CHD5: variants seen among roughly 807,000 people sequenced by gnomAD.
CHD5 encodes the protein ATP-dependent chromatin remodeler CHD5.
CHD5 carries 69 observed loss-of-function variants against 230.3 expected under a neutral mutation model. The ratio of observed to expected loss-of-function variants is 0.30; its 90% confidence interval spans 0.25 to 0.37. The LOEUF (loss-of-function observed/expected upper bound fraction) is 0.37, where lower values mean the gene tolerates loss of function less well. Among genes scored for constraint, CHD5 ranks in the 10% least tolerant of loss-of-function variants. The pLI is 1.00. For synonymous variants in CHD5, 1,064 were observed against 1,065.9 expected (o/e 1.00, Z 0.03); for missense variants, 1,827 against 2,622.8 (o/e 0.70, Z 6.63).
chr1:6,130,395 G>A lies in CHD5; in HGVS notation c.3263-67C>T. 3.4e-6 allele frequency: 5 copies of A among 1,459,296 alleles called. No individual in the cohort carries two copies. In the South Asian group the frequency reaches 3.5e-5, roughly 10 times the overall value. The allele number at this position is 1,459,296 out of a possible 1,614,324, so 90.4% of individuals were successfully genotyped here. A position where few individuals can be genotyped will look rare whatever the true frequency, so the allele number is the denominator to read the frequency against. On this transcript the variant is annotated intron_variant, in intron 21 of 41. Transcript: ENST00000262450. The surrounding 1 kb of genome is among the most constrained non-coding windows in gnomAD (Gnocchi z 4.9). ...ACACCTTGGGTGGGCAGAAAGGATG[G>A]GGGAGAGAACAGAGAGAAGGAACTG... is the stretch of plus-strand genomic sequence containing the variant.
At chr1:6,175,501 A>AATGGTGGATGGGCAGATGGATGG (rs1215861402) in intron 1 of CHD5, among the ~76,000 whole-genome samples, 1 of 136,836 alleles carries the variant, frequency 7.3e-6, no homozygotes, top group African/African-American at 2.8e-5. Context: ...TGGAAGCATG[A>AATGGTGGATGGGCAGATGGATGG]ATGGTGGATG....
chr1:6,171,308 C>A (rs957213826), intron 1 of CHD5, among the ~76,000 whole-genome samples: 2 of 152,202 alleles, frequency 1.3e-5, no homozygotes, highest in African/African-American at 4.8e-5. Flanking sequence ...CATGGACAGA[C>A]CCCAGCTCCG....
At chr1:6,152,228 A>G (rs1667017904) in intron 6 of CHD5, among the ~76,000 whole-genome samples, 184 bp downstream of exon 6, 1 of 152,170 alleles carries the variant, frequency 6.6e-6, no homozygotes, top group Non-Finnish European at 1.5e-5. Context: ...ACTCCTCATC[A>G]CACAAATGGA....
intron 3 of CHD5, among the ~76,000 whole-genome samples, chr1:6,157,724 C>G (rs1170908296): frequency 6.6e-6 from 1 of 152,236 alleles, no homozygotes; most frequent in East Asian, 1.9e-4. Context: ...ATGGCCATTC[C>G]TGATGGCACA....
At chr1:6,152,339 G>A in intron 6 of CHD5, 73 bp downstream of exon 6, 1 of 1,536,220 alleles carries the variant, frequency 6.5e-7, no homozygotes, top group Non-Finnish European at 8.8e-7. Flanking sequence ...GCCCTCGCCT[G>A]GCCCTTGCGT....
In CHD5 at chr1:6,168,249, G is replaced by A. The variant is rs146996909; in HGVS notation, c.108C>T (p.Phe36=). Reference sequence around the variant, plus strand: ...CGGGCTCCACAGGGAAAAAGTCATCGAAGGCTTCAAGACCACCATCTTCTT... The same window carrying A: ...CGGGCTCCACAGGGAAAAAGTCATCAAAGGCTTCAAGACCACCATCTTCTT... ...SEEEDGGLEA[F]DDFFPVEPVS... is the part of the protein sequence containing the mutation. Residue 36 remains phenylalanine, a synonymous_variant, in exon 2 of 42, where the codon TTC becomes TTT. Coordinates refer to ENST00000262450, the MANE Select transcript of CHD5 (RefSeq NM_015557.3). 1.2e-4 allele frequency: 190 copies of A among 1,609,076 alleles called. 1 individual carries two copies. Among genetic ancestry groups the A allele is most frequent in the Middle Eastern group, 1.7e-4 (1 of 6,056 alleles).
chr1:6,110,609 G>A lies in CHD5; in HGVS notation c.5250-83C>T, dbSNP rs1666273168. On this transcript the variant is annotated intron_variant, in intron 36 of 41. Transcript: ENST00000262450. ...GGAGGCAGCTCAGGGAGGGGGAGGG[G>A]CCAGCCCGGGGGTCGGCATTCTGGC... The A allele has an allele frequency of 1.1e-5, 15 of 1,384,142 alleles. No individual in the cohort carries two copies. In the Admixed American group the frequency reaches 2.5e-4, roughly 23 times the overall value. The allele number at this position is 1,384,142 out of a possible 1,614,324, so 85.7% of individuals were successfully genotyped here.
rs957726400 is a variant in CHD5, at chr1:6,134,054, C to T, written c.3144+74G>A. ...GCCCTGAGGGGTGCCAGCAAGTTTG[C>T]GCCCCCAAGCATCAGGGCAGGATGC... On this transcript the variant is annotated intron_variant, in intron 20 of 41. Coordinates refer to ENST00000262450, the MANE Select transcript of CHD5 (RefSeq NM_015557.3). This position sits in a 1 kb window ranked among gnomAD's most constrained non-coding sequence, Gnocchi z 6.3. 3.0e-5 allele frequency: 45 copies of T among 1,480,448 alleles called. No homozygotes were observed. Among genetic ancestry groups the T allele is most frequent in the Non-Finnish European group, 3.8e-5 (41 of 1,084,468 alleles). 91.7% of individuals were successfully genotyped at this position (1,480,448 alleles called of 1,614,324 possible).
Position 6,130,151 on chromosome 1 carries a change from A to G in CHD5, c.3387+53T>C, listed in dbSNP as rs1462350737. 6.2e-7 allele frequency: 1 copy of G among 1,605,774 alleles called. No individual in the cohort carries two copies. Among genetic ancestry groups the G allele is most frequent in the South Asian group, 1.1e-5 (1 of 90,600 alleles). On this transcript the variant is annotated intron_variant, in intron 22 of 41. Transcript: ENST00000262450. The surrounding 1 kb of genome is among the most constrained non-coding windows in gnomAD (Gnocchi z 4.9). ...GGGCATGAAGGACAGAACCTGCCTG[A>G]GGCCCGGGATGAGAGGCCCCCTGGG... is the stretch of plus-strand genomic sequence containing the variant.
Position 6,105,727 on chromosome 1 carries a change from C to G in CHD5, c.*47-300G>C, listed in dbSNP as rs1666152804. Among the ~76,000 whole-genome samples, 1 of 152,194 alleles carries G rather than the reference C, an allele frequency of 6.6e-6. No homozygotes were observed. Among genetic ancestry groups the G allele is most frequent in the African/African-American group, 2.4e-5 (1 of 41,450 alleles). ...CACAGCGTAGTGGAGGCTGGTGGCC[C>G]CAGAGAAGACCAGAATGAACTGGCA... On this transcript the variant is annotated intron_variant, in intron 41 of 41. Coordinates refer to ENST00000262450, the MANE Select transcript of CHD5 (RefSeq NM_015557.3). This position sits in a 1 kb window ranked among gnomAD's most constrained non-coding sequence, Gnocchi z 4.8.
rs1437377798 is a variant in CHD5, at chr1:6,148,856, T to C, written c.1381A>G (p.Thr461Ala). The change falls in exon 9 of 42, where the codon ACT becomes GCT. Residue 461 changes from threonine to alanine, a missense_variant and splice_region_variant. Coordinates refer to ENST00000262450, the MANE Select transcript of CHD5 (RefSeq NM_015557.3). ...PNGEWLCPRC[T>A]CPPLKGKVQR... Reference sequence around the variant, plus strand: ...CGCGGGGCGGGCGGAACACTCACAGTACAGCGCGGGCAGAGCCATTCACCG... The same window carrying C: ...CGCGGGGCGGGCGGAACACTCACAGCACAGCGCGGGCAGAGCCATTCACCG... 3.2e-6 allele frequency: 5 copies of C among 1,551,624 alleles called. No individual in the cohort carries two copies. Among genetic ancestry groups the C allele is most frequent in the African/African-American group, 1.4e-5 (1 of 72,942 alleles).
intron 38 of CHD5, among the ~76,000 whole-genome samples, chr1:6,107,755 T>C (rs1666215157): frequency 1.1e-5 from 1 of 93,852 alleles, no homozygotes. Context: ...GATGGAGAGA[T>C]GGAGGGATGA....
At chr1:6,122,002 T>C (rs373998688) in intron 31 of CHD5, among the ~76,000 whole-genome samples, 1 of 152,200 alleles carries the variant, frequency 6.6e-6, no homozygotes, top group South Asian at 2.1e-4. Context: ...AAAGTGCTGG[T>C]CACTTACACA....
At position 6,135,235 on chromosome 1, in the gene CHD5, C is replaced by A. The variant is rs1557547746; in HGVS notation, c.2865G>T (p.Met955Ile). The A allele has an allele frequency of 6.2e-7, 1 of 1,614,022 alleles. No homozygotes were observed. The highest frequency in any genetic ancestry group is 8.5e-7 in the Non-Finnish European group (1 of 1,179,996). Residue 955 changes from methionine (M) to isoleucine (I), a missense_variant, in exon 18 of 42, where the codon ATG becomes ATT. Coordinates refer to ENST00000262450, the MANE Select transcript of CHD5 (RefSeq NM_015557.3). ...ELIVRVELSQ[M>I]QKKYYKFILT... is the part of the protein sequence containing the mutation. ...GGGGTCAGCCCATCACTCACTTCTG[C>A]ATCTGGCTCAGCTCCACCCGGACAA... is the stretch of plus-strand genomic sequence containing the variant.
chr1:6,149,688 GGATA>G (rs1179890859), intron 7 of CHD5, among the ~76,000 whole-genome samples: 14 of 149,570 alleles, frequency 9.4e-5, no homozygotes, highest in African/African-American at 3.5e-4. Context: ...ACAAATGGAT[GGATA>G]GATGAATGGA....
At position 6,111,321 on chromosome 1, in the gene CHD5, G is replaced by A. The variant is rs796975692; in HGVS notation, c.5249+454C>T. Among the ~76,000 whole-genome samples the A allele has an allele frequency of 9.9e-5, 15 of 151,738 alleles. 1 individual carries two copies. The South Asian group carries it at 2.9e-3, about 30-fold the overall frequency. On this transcript the variant is annotated intron_variant, in intron 36 of 41. Transcript: ENST00000262450. ...GGCCAAGGTGGGTGGATCACTTGAG[G>A]TCAGGAGTTCGAGACCAGCCTAGCC...
intron 11 of CHD5, among the ~76,000 whole-genome samples, chr1:6,144,873 G>A (rs1007836753): frequency 2.6e-5 from 4 of 152,200 alleles, no homozygotes; most frequent in African/African-American, 4.8e-5. Flanking sequence ...AACCGATCCC[G>A]TTACCACGGC....
At chr1:6,160,649 G>A (rs998749770) in intron 2 of CHD5, among the ~76,000 whole-genome samples, 3 of 152,262 alleles carry the variant, frequency 2.0e-5, no homozygotes, top group Admixed American at 6.5e-5. Context: ...CTCCATGTGC[G>A]GACTCTGCAG....
At chr1:6,143,467 C>A (rs921702538) in intron 13 of CHD5, among the ~76,000 whole-genome samples, 3 of 152,068 alleles carry the variant, frequency 2.0e-5, no homozygotes, top group Non-Finnish European at 4.4e-5. Flanking sequence ...CTGTGGATAC[C>A]CACCAAGGGC....
Sources: allele counts gnomAD v4.1 joint callset (sites outside exome capture counted in the v4.1 genomes callset), GRCh38; gene constraint gnomAD v4.1.1; non-coding constraint Gnocchi (gnomAD v3.1); transcripts MANE v1.5; gene names NCBI Gene and HGNC (gene_info 2026-07-23, HGNC 2026-07-21).